MAF: variants seen among roughly 807,000 people sequenced by gnomAD.
MAF encodes the protein MAF bZIP transcription factor, also known as transcription factor Maf.
A neutral mutation model predicts 22.0 loss-of-function variants in MAF; 10 were observed. The ratio of observed to expected loss-of-function variants is 0.45; its 90% CI spans 0.28 to 0.77. The LOEUF is 0.77. Among genes scored for constraint, MAF ranks in the 30% least tolerant of loss-of-function variants. MAF has a pLI of 0.12. For synonymous variants in MAF, 337 were observed against 255.8 expected, an observed-to-expected ratio of 1.32 and a Z score of -3.03; for missense variants, 544 against 548.4, an observed-to-expected ratio of 0.99 and a Z score of 0.08.
chr16:79,330,762 A>G, the MAF span, among the ~76,000 whole-genome samples: 1 of 152,234 alleles, frequency 6.6e-6, no homozygotes, highest in Non-Finnish European at 1.5e-5. Context: ...TCCTCTAAGC[A>G]GGAATTGCCC....
the MAF span, among the ~76,000 whole-genome samples, chr16:79,290,221 A>C: frequency 2.2e-4 from 33 of 152,128 alleles, 1 homozygote; most frequent in African/African-American, 8.0e-4. Flanking sequence ...CAATCAGATA[A>C]AAGAGTTGTC....
the MAF span, among the ~76,000 whole-genome samples, chr16:79,537,670 T>A: frequency 6.6e-6 from 1 of 152,134 alleles, no homozygotes; most frequent in African/African-American, 2.4e-5. Flanking sequence ...AACAGATGGC[T>A]CCTAGAAATA....
the MAF span, among the ~76,000 whole-genome samples, chr16:79,372,602 T>A: frequency 6.6e-6 from 1 of 152,330 alleles, no homozygotes; most frequent in Non-Finnish European, 1.5e-5. Context: ...GGGCATCTTA[T>A]AACCCACTTC....
the MAF span, among the ~76,000 whole-genome samples, chr16:79,512,853 G>A: frequency 2.0e-5 from 3 of 152,318 alleles, no homozygotes; most frequent in African/African-American, 7.2e-5. Context: ...CCAGGGCCGT[G>A]GGCAGCACAG....
At chr16:79,584,486 C>G (rs1420037222), downstream of MAF, among the ~76,000 whole-genome samples, 5 of 152,170 alleles carry the variant, frequency 3.3e-5, no homozygotes, top group African/African-American at 1.2e-4. Flanking sequence ...AATTTGATTT[C>G]TTTCCCACCA....
chr16:79,547,868 G>T, the MAF span, among the ~76,000 whole-genome samples: 1 of 139,576 alleles, frequency 7.2e-6, no homozygotes, highest in Non-Finnish European at 1.5e-5. Flanking sequence ...CTATCTCCTT[G>T]TGTGTGTGTG....
At chr16:79,481,365 T>G in the MAF span, among the ~76,000 whole-genome samples, 2 of 152,056 alleles carry the variant, frequency 1.3e-5, no homozygotes, top group African/African-American at 2.4e-5. Context: ...TACTCTAAAT[T>G]TAGAACATTT....
the MAF span, among the ~76,000 whole-genome samples, chr16:79,281,747 A>G: frequency 1.3e-5 from 2 of 151,968 alleles, no homozygotes; most frequent in Non-Finnish European, 2.9e-5. Context: ...GGGTTTGACC[A>G]TGTTGGCCAG....
chr16:79,359,277 C>G, the MAF span, among the ~76,000 whole-genome samples: 1 of 152,124 alleles, frequency 6.6e-6, no homozygotes, highest in South Asian at 2.1e-4. Context: ...CATCTTTGCA[C>G]GAGGTCTCAG....
At chr16:79,285,600 T>C in the MAF span, among the ~76,000 whole-genome samples, 2 of 152,120 alleles carry the variant, frequency 1.3e-5, no homozygotes, top group African/African-American at 4.8e-5. Context: ...GATGTTGCTT[T>C]TATAGGAAGT....
At chr16:79,255,993 T>C in the MAF span, among the ~76,000 whole-genome samples, 1 of 146,270 alleles carries the variant, frequency 6.8e-6, no homozygotes. Flanking sequence ...TTTTTTTTTT[T>C]TTTTTGTGAG....
chr16:79,555,874 G>C, the MAF span, among the ~76,000 whole-genome samples: 1 of 152,166 alleles, frequency 6.6e-6, no homozygotes, highest in Non-Finnish European at 1.5e-5. Context: ...TTGGGATAGG[G>C]ATATAAACCT....
At chr16:79,462,150 T>G in the MAF span, among the ~76,000 whole-genome samples, 1 of 152,194 alleles carries the variant, frequency 6.6e-6, no homozygotes, top group Non-Finnish European at 1.5e-5. Flanking sequence ...TTTGGAAAAG[T>G]GATACCGATA....
the MAF span, among the ~76,000 whole-genome samples, chr16:79,303,853 C>T: frequency 6.6e-6 from 1 of 152,138 alleles, no homozygotes. Flanking sequence ...CTATCAAAGA[C>T]TCCTGTAATT....
Position 79,600,555 on chromosome 16 carries a change from C to A in MAF, c.-653G>T, listed in dbSNP as rs771846947. On this transcript the variant is annotated 5_prime_UTR_variant, in exon 1 of 2. Transcript: ENST00000326043. ...CAAAGTGCAAGGCAGAGGTGCAGCCCGACTGGAGGAGAGGGAGGGGGGAGT... is the reference window on the plus strand; with the variant it reads ...CAAAGTGCAAGGCAGAGGTGCAGCCAGACTGGAGGAGAGGGAGGGGGGAGT... 1.0e-5 allele frequency: 2 copies of A among 194,844 alleles called. No homozygotes were observed. Among genetic ancestry groups the A allele is most frequent in the Non-Finnish European group, 2.4e-5 (2 of 84,576 alleles). The allele number at this position is 194,844 out of a possible 1,614,324, so 12.1% of individuals were successfully genotyped here. A position where few individuals can be genotyped will look rare whatever the true frequency, so the allele number is the denominator to read the frequency against.
chr16:79,414,143 A>G, the MAF span, among the ~76,000 whole-genome samples: 78,993 of 152,080 alleles, frequency 0.52, 21,369 homozygotes, highest in Non-Finnish European at 0.61. Context: ...ACATTGGCTG[A>G]GCTCTTGTTC....
the MAF span, among the ~76,000 whole-genome samples, chr16:79,316,978 G>T: frequency 6.6e-6 from 1 of 152,146 alleles, no homozygotes; most frequent in Admixed American, 6.5e-5. Flanking sequence ...TTTAGCAAAA[G>T]AAGAAAACAG....
chr16:79,599,459 G>T lies in MAF; in HGVS notation c.444C>A (p.Ala148=). The T allele has an allele frequency of 7.6e-7, 1 of 1,316,520 alleles. No homozygotes were observed. Among genetic ancestry groups the T allele is most frequent in the Non-Finnish European group, 9.6e-7 (1 of 1,042,068 alleles). 81.6% of individuals were successfully genotyped at this position (1,316,520 alleles called of 1,614,324 possible). Residue 148 remains alanine, a synonymous_variant, in exon 1 of 2, where the codon GCC becomes GCA. Coordinates refer to ENST00000326043, the MANE Select transcript of MAF (RefSeq NM_005360.5). ...LAAAAGAGAG[A]SLGGSGEEMG... is the part of the protein sequence containing the mutation. Reference sequence around the variant, plus strand: ...TCTCCTCGCCGCTGCCGCCCAAGGAGGCGCCGGCACCGGCCCCGGCCGCCG... The same window carrying T: ...TCTCCTCGCCGCTGCCGCCCAAGGATGCGCCGGCACCGGCCCCGGCCGCCG...
the MAF span, among the ~76,000 whole-genome samples, chr16:79,498,631 C>T: frequency 8.5e-5 from 13 of 152,254 alleles, no homozygotes; most frequent in Middle Eastern, 3.4e-3. Flanking sequence ...GCCCATTATG[C>T]ATATAGGAAC....
Sources: allele counts gnomAD v4.1 joint callset (sites outside exome capture counted in the v4.1 genomes callset), GRCh38; gene constraint gnomAD v4.1.1; transcripts MANE v1.5; gene names NCBI Gene and HGNC (gene_info 2026-07-23, HGNC 2026-07-21).